The following CHL1 variants were observed in gnomAD, a reference collection of about 807,000 sequenced individuals.
CHL1 encodes cell adhesion molecule L1 like, also known as neural cell adhesion molecule L1-like protein.
CHL1 carries 96 observed loss-of-function variants against 141.9 expected under a neutral mutation model. That is an observed-to-expected ratio of 0.68 (90% CI 0.57 to 0.80). The LOEUF (loss-of-function observed/expected upper bound fraction) is 0.80, where lower values mean the gene tolerates loss of function less well. Ranked by LOEUF, CHL1 falls within the 30% of genes least tolerant of loss-of-function variation. The pLI is 0.00. For missense variants in CHL1, 1,820 were observed against 1,457.2 expected, an observed-to-expected ratio of 1.25 and a Z score of -4.05; for synonymous variants, 613 against 502.2, an observed-to-expected ratio of 1.22 and a Z score of -2.95.
chr3:223,757 C>T (rs953576971), intron 1 of CHL1, among the ~76,000 whole-genome samples: 1 of 152,104 alleles, frequency 6.6e-6, no homozygotes, highest in Non-Finnish European at 1.5e-5. Context: ...TCTGAAAGCT[C>T]AGAGGCTAAG....
chr3:220,835 A>G (rs1363678566), intron 1 of CHL1, among the ~76,000 whole-genome samples: 2 of 152,240 alleles, frequency 1.3e-5, no homozygotes, highest in East Asian at 3.8e-4. Flanking sequence ...ACCTCCTTTT[A>G]GAGGAGGAAT....
chr3:227,607 C>T (rs768815191), intron 1 of CHL1, among the ~76,000 whole-genome samples: 9 of 152,158 alleles, frequency 5.9e-5, no homozygotes, highest in Non-Finnish European at 1.0e-4. Context: ...CATGTGTGGA[C>T]GGACAGATGC....
At chr3:290,736 G>A (rs1276831416) in intron 2 of CHL1, among the ~76,000 whole-genome samples, 1 of 152,068 alleles carries the variant, frequency 6.6e-6, no homozygotes, top group African/African-American at 2.4e-5. Context: ...ACATCAGATG[G>A]CAATAAGGTG....
At chr3:215,592 G>A (rs555138970) in intron 1 of CHL1, among the ~76,000 whole-genome samples, 30 of 152,206 alleles carry the variant, frequency 2.0e-4, no homozygotes, top group African/African-American at 6.5e-4. Flanking sequence ...TTCAGGAGAC[G>A]GATATGCGAA....
In CHL1 at chr3:370,239, G is replaced by A. The variant is rs983791122; in HGVS notation, c.1751+4124G>A. The stretch of plus-strand genomic sequence containing the variant: ...ATCCATCTGGTCCTGGGCTTTATTG[G>A]CTGGTAGACTATTAATTACTGCCTC... On this transcript the variant is annotated intron_variant, in intron 15 of 27. Transcript: ENST00000256509. 7.2e-5 allele frequency among the ~76,000 whole-genome samples: 11 copies of A among 152,238 alleles called. No homozygotes were observed. The South Asian group carries it at 2.3e-3, about 32-fold the overall frequency.
intron 1 of CHL1, among the ~76,000 whole-genome samples, chr3:229,202 C>T (rs1038987117): frequency 6.6e-6 from 1 of 152,138 alleles, no homozygotes; most frequent in Non-Finnish European, 1.5e-5. Flanking sequence ...TTTCTGCTAG[C>T]ATGTTTTATG....
intron 2 of CHL1, among the ~76,000 whole-genome samples, chr3:278,013 G>A (rs1696309359): frequency 6.6e-6 from 1 of 152,242 alleles, no homozygotes; most frequent in Admixed American, 6.5e-5. Flanking sequence ...GAGTGTGTTT[G>A]TGAGCTTGTG....
intron 2 of CHL1, among the ~76,000 whole-genome samples, chr3:269,529 C>CCATA (rs1695452324): frequency 6.6e-6 from 1 of 151,282 alleles, no homozygotes; most frequent in African/African-American, 2.4e-5. Flanking sequence ...CTCTCTCTCT[C>CCATA]TATATATATA....
At position 394,879 on chromosome 3, in the gene CHL1, A is replaced by T; in HGVS notation, c.3094+7A>T. The T allele has an allele frequency of 1.3e-6, 2 of 1,586,922 alleles. No individual in the cohort carries two copies. Among genetic ancestry groups the T allele is most frequent in the East Asian group, 4.5e-5 (2 of 44,410 alleles). On this transcript the variant is annotated splice_region_variant and intron_variant, in intron 24 of 27. Coordinates refer to ENST00000256509, the MANE Select transcript of CHL1 (RefSeq NM_006614.4). ...TCCACCTTAGGAGAAGGGAGTAAGT[A>T]CATGAGGCTTCTCTTTTTAATAGAG...
intron 1 of CHL1, among the ~76,000 whole-genome samples, chr3:228,723 T>C (rs1701598458): frequency 6.6e-6 from 1 of 152,178 alleles, no homozygotes; most frequent in South Asian, 2.1e-4. Flanking sequence ...TTCTATCAAC[T>C]CCATGAGGGA....
In CHL1 at chr3:350,966, A is replaced by AGG. The variant is rs139138426; in HGVS notation, c.1033+1426_1033+1427dup. Among the ~76,000 whole-genome samples, 916 of 152,248 alleles carry AGG rather than the reference A, an allele frequency of 6.0e-3. 3 individuals carry two copies. Among genetic ancestry groups the AGG allele is most frequent in the South Asian group, 0.017 (80 of 4,824 alleles). The stretch of plus-strand genomic sequence containing the variant: ...ATATAATTTGGCTACATCGTGCAAC[A>AGG]GGGGTATTTTTCTGTAACCCCCTCC... On this transcript the variant is annotated intron_variant, in intron 10 of 27. Transcript: ENST00000256509.
intron 2 of CHL1, among the ~76,000 whole-genome samples, chr3:276,806 G>A (rs1014542457): frequency 8.7e-5 from 13 of 149,378 alleles, no homozygotes; most frequent in South Asian, 4.2e-4. Flanking sequence ...GGAGAATAGC[G>A]TGAACCTGGA....
intron 2 of CHL1, among the ~76,000 whole-genome samples, chr3:291,851 C>T (rs947754797): frequency 6.6e-6 from 1 of 152,274 alleles, no homozygotes; most frequent in Middle Eastern, 3.4e-3. Context: ...TTTTAAAATC[C>T]TGCTGACTAG....
intron 15 of CHL1, 129 bp downstream of exon 15, chr3:366,244 G>A (rs1704861723): frequency 6.2e-6 from 5 of 805,644 alleles, no homozygotes; most frequent in African/African-American, 1.8e-5. Context: ...ACCGAGGCGA[G>A]TGGATCACTT....
chr3:394,938 T>C (rs999325225), intron 24 of CHL1, 66 bp downstream of exon 24: 5 of 1,315,106 alleles, frequency 3.8e-6, no homozygotes, highest in African/African-American at 3.0e-5. Context: ...TTTAAACAGC[T>C]GCACTGAAAG....
At chr3:312,390 T>C (rs1699827354) in intron 2 of CHL1, among the ~76,000 whole-genome samples, 1 of 152,160 alleles carries the variant, frequency 6.6e-6, no homozygotes, top group Non-Finnish European at 1.5e-5. Flanking sequence ...GTTTCCTTTG[T>C]TTTCAGAGTA....
intron 1 of CHL1, among the ~76,000 whole-genome samples, chr3:210,534 C>T (rs1298465146): frequency 6.6e-6 from 1 of 152,290 alleles, no homozygotes; most frequent in East Asian, 1.9e-4. Context: ...CCTGGTCCTT[C>T]CAGAAATGTC....
chr3:305,342 T>C (rs466238), intron 2 of CHL1, among the ~76,000 whole-genome samples: 10,402 of 152,140 alleles, frequency 0.068, 1,232 homozygotes, highest in African/African-American at 0.24. Context: ...AAAAGAAAAC[T>C]TTTCTAGAGT....
intron 2 of CHL1, among the ~76,000 whole-genome samples, chr3:262,933 G>A (rs1326313568): frequency 3.9e-5 from 6 of 152,134 alleles, no homozygotes; most frequent in Admixed American, 2.0e-4. Context: ...TCAACTATCA[G>A]GTGAACTACA....
Sources: allele counts gnomAD v4.1 joint callset (sites outside exome capture counted in the v4.1 genomes callset), GRCh38; gene constraint gnomAD v4.1.1; transcripts MANE v1.5; gene names NCBI Gene and HGNC (gene_info 2026-07-23, HGNC 2026-07-21).